Variants in FAM162A observed in about 807,000 individuals in gnomAD.
FAM162A encodes the protein family with sequence similarity 162 member A.
Under a neutral mutation model 21.8 loss-of-function variants are expected in FAM162A, and 23 were observed. The ratio of observed to expected loss-of-function variants is 1.05; its 90% CI spans 0.76 to 1.49. FAM162A has a LOEUF of 1.49. Among genes scored for constraint, FAM162A ranks in the 40% most tolerant of loss-of-function variants. FAM162A has a pLI of 0.00. For missense variants in FAM162A, 165 were observed against 186.4 expected, an observed-to-expected ratio of 0.89 and a Z score of 0.67; for synonymous variants, 53 against 61.3, an observed-to-expected ratio of 0.86 and a Z score of 0.64.
At chr3:122,395,104 G>A (rs994930510) in intron 1 of FAM162A, among the ~76,000 whole-genome samples, 2 of 152,104 alleles carry the variant, frequency 1.3e-5, no homozygotes, top group Non-Finnish European at 2.9e-5. Flanking sequence ...ACTATGAATA[G>A]AAAGGAACTT....
rs549126595 is a variant in FAM162A at position 122,409,958 on chromosome 3, C to T, written c.*127C>T. 1.4e-5 allele frequency: 11 copies of T among 790,144 alleles called. No homozygotes were observed. The highest frequency in any genetic ancestry group is 2.9e-5 in the South Asian group (2 of 69,012). 48.9% of individuals were successfully genotyped at this position (790,144 alleles called of 1,614,324 possible). On this transcript the variant is annotated 3_prime_UTR_variant, in exon 5 of 5. Coordinates refer to ENST00000477892, the MANE Select transcript of FAM162A (RefSeq NM_014367.4). ...GATTTGCCCAAACCTGTACCATTTCCGTATTTCTGCTGTAGAAGTAGAAAT... is the reference window on the plus strand; with the variant it reads ...GATTTGCCCAAACCTGTACCATTTCTGTATTTCTGCTGTAGAAGTAGAAAT...
chr3:122,394,476 C>A (rs941208092), intron 1 of FAM162A, among the ~76,000 whole-genome samples: 1 of 152,058 alleles, frequency 6.6e-6, no homozygotes, highest in Non-Finnish European at 1.5e-5. Context: ...CCTCTGTGGC[C>A]AAACACACAA....
At chr3:122,396,664 C>G (rs1288272228) in intron 1 of FAM162A, among the ~76,000 whole-genome samples, 1 of 152,124 alleles carries the variant, frequency 6.6e-6, no homozygotes. Flanking sequence ...ACATGTTCCT[C>G]AAAAACTTGT....
At chr3:122,404,390 C>G in intron 3 of FAM162A, 27 bp downstream of exon 3, 1 of 1,274,820 alleles carries the variant, frequency 7.8e-7, no homozygotes, top group Non-Finnish European at 1.1e-6. Flanking sequence ...GTATTACAAG[C>G]AGCTTTCATT....
intron 1 of FAM162A, among the ~76,000 whole-genome samples, chr3:122,400,435 G>A (rs1382670727): frequency 6.6e-6 from 1 of 152,056 alleles, no homozygotes; most frequent in Admixed American, 6.5e-5. Flanking sequence ...ACGAGTTGAT[G>A]GGTGCAGCAA....
rs545741849 is a variant in FAM162A, at chr3:122,401,718, G to A, written c.35-1042G>A. Among the ~76,000 whole-genome samples the A allele has an allele frequency of 2.0e-5, 3 of 152,292 alleles. 1 individual carries two copies. The highest frequency in any genetic ancestry group is 4.1e-4 in the South Asian group (2 of 4,824). On this transcript the variant is annotated intron_variant, in intron 1 of 4. Transcript: ENST00000477892. ...TTGATGTGCATTTCTCTAGTGATCA[G>A]TGATGTTACTTTTTCTTCTGTATGC...
At chr3:122,384,554 TACCCTTCTCCCC>T (rs1393854035) in intron 1 of FAM162A, among the ~76,000 whole-genome samples, 3 of 152,202 alleles carry the variant, frequency 2.0e-5, no homozygotes, top group Non-Finnish European at 4.4e-5. Flanking sequence ...CCCACGCGCC[TACCCTTCTCCCC>T]ACCCCCGTCC....
intron 4 of FAM162A, chr3:122,407,598 G>A (rs2075682934): frequency 2.0e-6 from 1 of 499,060 alleles, no homozygotes; most frequent in East Asian, 2.9e-5. Context: ...ACTTTGGCGT[G>A]GTGAAGAAGG....
intron 1 of FAM162A, among the ~76,000 whole-genome samples, chr3:122,401,005 C>T (rs1032353600): frequency 1.3e-5 from 2 of 152,102 alleles, no homozygotes; most frequent in Non-Finnish European, 2.9e-5. Context: ...TCCATATATA[C>T]TTAAGATATT....
chr3:122,408,380 T>C (rs778845025), intron 4 of FAM162A, among the ~76,000 whole-genome samples: 28 of 152,342 alleles, frequency 1.8e-4, no homozygotes, highest in Middle Eastern at 6.8e-3. Context: ...ATATCACAGC[T>C]TCCATGTGGA....
chr3:122,386,479 G>T (rs2075574959), intron 1 of FAM162A, among the ~76,000 whole-genome samples: 1 of 150,480 alleles, frequency 6.6e-6, no homozygotes, highest in Non-Finnish European at 1.5e-5. Flanking sequence ...CTTGAGCCCA[G>T]AAGTTTGAGG....
Position 122,389,385 on chromosome 3 carries a change from A to G in FAM162A, c.34+5086A>G, listed in dbSNP as rs532380324. ...TTTCTGGAAAGTAGTATAGATGGATAGATAGATAGATAGATAGATAGATAG... is the reference window on the plus strand; with the variant it reads ...TTTCTGGAAAGTAGTATAGATGGATGGATAGATAGATAGATAGATAGATAG... On this transcript the variant is annotated intron_variant, in intron 1 of 4. Transcript: ENST00000477892. Among the ~76,000 whole-genome samples the G allele has an allele frequency of 3.9e-3, 58 of 14,914 alleles. No individual in the cohort carries two copies. The South Asian group carries it at 0.049, about 12-fold the overall frequency. 9.8% of individuals were successfully genotyped at this position (14,914 alleles called of 152,430 possible). A position where few individuals can be genotyped will look rare whatever the true frequency, so the allele number is the denominator to read the frequency against.
intron 1 of FAM162A, among the ~76,000 whole-genome samples, chr3:122,400,679 T>A (rs2107699261): frequency 6.6e-6 from 1 of 152,010 alleles, no homozygotes; most frequent in South Asian, 2.1e-4. Context: ...ACAAAAAAAT[T>A]AGCTGGGCAT....
At chr3:122,405,547 A>G (rs1381529435) in intron 3 of FAM162A, among the ~76,000 whole-genome samples, 3 of 152,216 alleles carry the variant, frequency 2.0e-5, no homozygotes, top group Admixed American at 1.3e-4. Context: ...TTCTTCCTAT[A>G]CCAGCAGAAA....
chr3:122,390,958 A>G (rs1244948880), intron 1 of FAM162A, among the ~76,000 whole-genome samples: 1 of 152,160 alleles, frequency 6.6e-6, no homozygotes, highest in East Asian at 1.9e-4. Context: ...AGAGGGTTAA[A>G]GGGCTGTTTT....
intron 1 of FAM162A, among the ~76,000 whole-genome samples, chr3:122,397,851 A>T (rs1198474849): frequency 6.6e-6 from 1 of 152,256 alleles, no homozygotes; most frequent in Non-Finnish European, 1.5e-5. Context: ...AACTGAAAAA[A>T]AATGAGCCCC....
intron 1 of FAM162A, among the ~76,000 whole-genome samples, chr3:122,391,110 T>G (rs1247597901): frequency 6.6e-6 from 1 of 152,248 alleles, no homozygotes; most frequent in Non-Finnish European, 1.5e-5. Context: ...TGCTTTCATG[T>G]TGTTATAATT....
intron 1 of FAM162A, among the ~76,000 whole-genome samples, chr3:122,389,216 G>C (rs2075588142): frequency 6.6e-6 from 1 of 152,158 alleles, no homozygotes; most frequent in Admixed American, 6.5e-5. Flanking sequence ...CTATGAAAAA[G>C]AGGAAATAAG....
intron 1 of FAM162A, among the ~76,000 whole-genome samples, chr3:122,394,098 A>G (rs1311640356): frequency 6.6e-6 from 1 of 152,168 alleles, no homozygotes; most frequent in Non-Finnish European, 1.5e-5. Context: ...TGTCCAGAGC[A>G]AGAGCAAGAG....
Sources: gnomAD v4.1 joint callset for allele counts (sites outside exome capture counted in the v4.1 genomes callset) on GRCh38, gnomAD v4.1.1 for gene constraint, MANE v1.5 for transcripts, NCBI Gene and HGNC (gene_info 2026-07-23, HGNC 2026-07-21) for gene names.